OSMR: variants seen among roughly 807,000 people sequenced by gnomAD.
The protein encoded by OSMR is oncostatin M receptor.
OSMR carries 81 observed loss-of-function variants against 99.9 expected under a neutral mutation model. That is an observed-to-expected ratio of 0.81 (90% confidence interval 0.68 to 0.97). The LOEUF (loss-of-function observed/expected upper bound fraction) is 0.97, where lower values mean the gene tolerates loss of function less well. Among genes scored for constraint, OSMR ranks in the 50% least tolerant of loss-of-function variants. OSMR has a pLI of 0.00. For synonymous variants in OSMR, 406 were observed against 410.4 expected, an observed-to-expected ratio of 0.99 and a Z score of 0.13; for missense variants, 1,099 against 1,153.4, an observed-to-expected ratio of 0.95 and a Z score of 0.68.
At chr5:38,875,510 T>C (rs767510789) in intron 2 of OSMR, among the ~76,000 whole-genome samples, 8 of 152,220 alleles carry the variant, frequency 5.3e-5, no homozygotes, top group Admixed American at 1.3e-4. Flanking sequence ...ATCTGTTTCA[T>C]GTTTGAATTC....
intron 7 of OSMR, among the ~76,000 whole-genome samples, chr5:38,892,399 C>T (rs1744220031): frequency 6.6e-6 from 1 of 152,136 alleles, no homozygotes; most frequent in Non-Finnish European, 1.5e-5. Flanking sequence ...CCATCATAGA[C>T]AGCACCTGAA....
At chr5:38,924,949 G>T in intron 14 of OSMR, 1 of 238,426 alleles carries the variant, frequency 4.2e-6, no homozygotes, top group Non-Finnish European at 6.7e-6. Context: ...ACTGTTTCTT[G>T]CAGATTTGTA....
At position 38,910,777 on chromosome 5, in the gene OSMR, A is replaced by C. The variant is rs1453528623; in HGVS notation, c.1285+6274A>C. 2.0e-5 allele frequency among the ~76,000 whole-genome samples: 3 copies of C among 152,178 alleles called. 1 individual carries two copies. Among genetic ancestry groups the C allele is most frequent in the African/African-American group, 4.8e-5 (2 of 41,448 alleles). Reference sequence around the variant, plus strand: ...TGTAATCCCAGCACTTTGGGAGGCCAACGTGGGCAGATCACGAGGTCAGGA... The same window carrying C: ...TGTAATCCCAGCACTTTGGGAGGCCCACGTGGGCAGATCACGAGGTCAGGA... On this transcript the variant is annotated intron_variant, in intron 9 of 17. Transcript: ENST00000274276.
intron 1 of OSMR, chr5:38,942,264 A>G: frequency 8.4e-7 from 1 of 1,197,212 alleles, no homozygotes; most frequent in South Asian, 1.5e-5. Context: ...ACAAATATGA[A>G]TATATATAGT....
At chr5:38,862,118 C>G (rs1425635545) in intron 1 of OSMR, among the ~76,000 whole-genome samples, 3 of 128,508 alleles carry the variant, frequency 2.3e-5, no homozygotes, top group African/African-American at 2.9e-5. Flanking sequence ...CACCTCCCTC[C>G]CGGACGGGGC....
intron 1 of OSMR, among the ~76,000 whole-genome samples, chr5:38,854,058 A>T (rs542069081): frequency 2.0e-5 from 3 of 151,918 alleles, no homozygotes; most frequent in African/African-American, 7.2e-5. Flanking sequence ...AAAAAAAAAG[A>T]TAACCGAGCC....
Position 38,848,950 on chromosome 5 carries a change from G to A in OSMR, c.-14+2563G>A, listed in dbSNP as rs538918826. 2.9e-4 allele frequency among the ~76,000 whole-genome samples: 43 copies of A among 147,266 alleles called. 1 individual carries two copies. In the East Asian group the frequency reaches 8.5e-3, roughly 29 times the overall value. On this transcript the variant is annotated intron_variant, in intron 1 of 17. Transcript: ENST00000274276. Reference sequence around the variant, plus strand: ...CACCACACCTGACTTTTTTTTTTTTGTATTTTTTGTAAAGATTGGGTCTCT... The same window carrying A: ...CACCACACCTGACTTTTTTTTTTTTATATTTTTTGTAAAGATTGGGTCTCT...
intron 4 of OSMR, 57 bp from the exon 5 acceptor site, chr5:38,883,770 T>C (rs1743483367): frequency 6.2e-7 from 1 of 1,611,066 alleles, no homozygotes; most frequent in African/African-American, 1.3e-5. Flanking sequence ...GATAACTTGT[T>C]TTAAGAGGCT....
intron 7 of OSMR, among the ~76,000 whole-genome samples, chr5:38,893,850 C>T (rs1604399): frequency 0.12 from 18,966 of 152,002 alleles, 1,982 homozygotes; most frequent in East Asian, 0.43. Flanking sequence ...CTACACAAAA[C>T]GAACATCACT....
chr5:38,857,412 C>T (rs1740936242), intron 1 of OSMR, among the ~76,000 whole-genome samples: 1 of 152,014 alleles, frequency 6.6e-6, no homozygotes, highest in African/African-American at 2.4e-5. Context: ...TTTGACTTCC[C>T]CTTGCTTATG....
At chr5:38,864,334 T>C (rs1470305604) in intron 1 of OSMR, among the ~76,000 whole-genome samples, 1 of 152,188 alleles carries the variant, frequency 6.6e-6, no homozygotes, top group Admixed American at 6.5e-5. Flanking sequence ...TTTGTGTGTC[T>C]GTTCTACCAA....
chr5:38,858,251 G>A (rs1370558148), intron 1 of OSMR, among the ~76,000 whole-genome samples: 2 of 151,252 alleles, frequency 1.3e-5, no homozygotes, highest in Non-Finnish European at 2.9e-5. Context: ...CCTGTTGACT[G>A]CCCCCTTCCT....
downstream of OSMR, chr5:38,938,983 AG>A (rs1197101122): frequency 4.3e-6 from 1 of 233,040 alleles, no homozygotes; most frequent in African/African-American, 2.2e-5. Flanking sequence ...AGACTAAAGG[AG>A]AAAAAACCTT....
chr5:38,890,676 C>T (rs1744098450), intron 7 of OSMR, among the ~76,000 whole-genome samples: 1 of 149,852 alleles, frequency 6.7e-6, no homozygotes. Flanking sequence ...AAATTAGCAA[C>T]AGTAGAATAT....
intron 9 of OSMR, among the ~76,000 whole-genome samples, chr5:38,916,185 A>C (rs1023911021): frequency 7.2e-5 from 11 of 152,228 alleles, no homozygotes; most frequent in Non-Finnish European, 1.5e-4. Context: ...TATTTTTATC[A>C]ATCAATGATT....
At chr5:38,942,382 G>C (rs1484454295) in intron 1 of OSMR, 4 of 1,568,012 alleles carry the variant, frequency 2.6e-6, no homozygotes, top group Non-Finnish European at 3.5e-6. Flanking sequence ...CATGCATCTA[G>C]GGAAAAAATG....
chr5:38,939,303 A>G (rs1294495940), downstream of OSMR: 1 of 232,420 alleles, frequency 4.3e-6, no homozygotes, highest in Non-Finnish European at 8.5e-6. Flanking sequence ...AAGAGCTGAA[A>G]CCCATTAAAG....
chr5:38,876,611 C>G (rs1159563231), intron 3 of OSMR, among the ~76,000 whole-genome samples: 1 of 152,184 alleles, frequency 6.6e-6, no homozygotes, highest in African/African-American at 2.4e-5. Flanking sequence ...CTCAGTTTTG[C>G]TCTGTCTTCT....
At chr5:38,914,129 C>A (rs1745765605) in intron 9 of OSMR, among the ~76,000 whole-genome samples, 1 of 152,160 alleles carries the variant, frequency 6.6e-6, no homozygotes, top group Non-Finnish European at 1.5e-5. Context: ...GCTTTAATAA[C>A]ACAGTACCAC....
Sources: allele counts gnomAD v4.1 joint callset (sites outside exome capture counted in the v4.1 genomes callset), GRCh38; gene constraint gnomAD v4.1.1; transcripts MANE v1.5; gene names NCBI Gene and HGNC (gene_info 2026-07-23, HGNC 2026-07-21).